ADAMTS19: variants seen among roughly 807,000 people sequenced by gnomAD.
ADAMTS19 encodes the protein ADAM metallopeptidase with thrombospondin type 1 motif 19.
In ADAMTS19, 93 loss-of-function variants were observed where a neutral mutation model predicts 153.3. That is an observed-to-expected ratio of 0.61 (90% CI 0.51 to 0.72). The LOEUF (loss-of-function observed/expected upper bound fraction) is 0.72. Among genes scored for constraint, ADAMTS19 ranks in the 30% least tolerant of loss-of-function variants. The pLI is 0.00. For synonymous variants in ADAMTS19, 600 were observed against 556.6 expected, an observed-to-expected ratio of 1.08 and a Z score of -1.10; for missense variants, 1,482 against 1,552.1, an observed-to-expected ratio of 0.95 and a Z score of 0.76.
In ADAMTS19 at chr5:129,504,735, G is replaced by A. The variant is rs542939921; in HGVS notation, c.748-4342G>A. ...AGTCTGACTTTTTTAGATTTTACAT[G>A]TGAGATTGTGCAGTATTTGTCTTTC... On this transcript the variant is annotated intron_variant, in intron 2 of 22. Transcript: ENST00000274487. Among the ~76,000 whole-genome samples the A allele has an allele frequency of 2.6e-5, 4 of 152,058 alleles. No homozygotes were observed. In the South Asian group the frequency reaches 8.3e-4, roughly 32 times the overall value.
At chr5:129,483,276 A>G (rs539069353) in intron 2 of ADAMTS19, among the ~76,000 whole-genome samples, 35 of 152,312 alleles carry the variant, frequency 2.3e-4, no homozygotes, top group African/African-American at 7.2e-4. Flanking sequence ...AAGATATTTA[A>G]TCTCTCTGAG....
intron 20 of ADAMTS19, among the ~76,000 whole-genome samples, chr5:129,702,941 A>AAAAAAATATATATATATATATATAT: frequency 3.4e-4 from 10 of 29,274 alleles, no homozygotes; most frequent in Admixed American, 1.4e-3. Flanking sequence ...AAAAAAAAAA[A>AAAAAAATATATATATATATATATAT]ATATATATAT....
intron 7 of ADAMTS19, among the ~76,000 whole-genome samples, chr5:129,594,256 A>G (rs1014167434): frequency 1.3e-5 from 2 of 152,212 alleles, no homozygotes; most frequent in South Asian, 2.1e-4. Flanking sequence ...TGGAGAAGAC[A>G]TGTAAAACTC....
intron 7 of ADAMTS19, among the ~76,000 whole-genome samples, chr5:129,575,094 T>G (rs1021708015): frequency 5.8e-4 from 88 of 152,184 alleles, no homozygotes; most frequent in Non-Finnish European, 1.1e-3. Flanking sequence ...TCTTTATATT[T>G]CTGCAGTTTA....
rs1246167128 is a variant in ADAMTS19, at chr5:129,461,033, C to G, written c.92-69C>G. On this transcript the variant is annotated intron_variant, in intron 1 of 22. Coordinates refer to ENST00000274487, the MANE Select transcript of ADAMTS19 (RefSeq NM_133638.6). The surrounding 1 kb of genome is among the most constrained non-coding windows in gnomAD (Gnocchi z 4.6). ...GCGCCCTGTATCTATGGACTGTGAG[C>G]TTGGAAATGTTTGTGCTACTGGAAC... is the stretch of plus-strand genomic sequence containing the variant. 2 of 1,282,978 alleles carry G rather than the reference C, an allele frequency of 1.6e-6. No individual in the cohort carries two copies. The highest frequency in any genetic ancestry group is 2.0e-6 in the Non-Finnish European group (2 of 1,017,384). The allele number at this position is 1,282,978 out of a possible 1,614,324, so 79.5% of individuals were successfully genotyped here. A position where few individuals can be genotyped will look rare whatever the true frequency, so the allele number is the denominator to read the frequency against.
rs549208876 is a variant in ADAMTS19, at chr5:129,460,912, C to A, written c.92-190C>A. Among the ~76,000 whole-genome samples, 10 of 148,014 alleles carry A rather than the reference C, an allele frequency of 6.8e-5. No homozygotes were observed. The East Asian group carries it at 1.9e-3, about 28-fold the overall frequency. On this transcript the variant is annotated intron_variant, in intron 1 of 22. Transcript: ENST00000274487. The stretch of plus-strand genomic sequence containing the variant: ...CGCCCCTAATATAATCGTACTTTTA[C>A]TCTGAAAATGCTGGGGTCTGTAATC...
intron 6 of ADAMTS19, among the ~76,000 whole-genome samples, chr5:129,536,063 G>T (rs1752409829): frequency 6.6e-6 from 1 of 152,086 alleles, no homozygotes; most frequent in African/African-American, 2.4e-5. Flanking sequence ...TTGACAAATG[G>T]GACCTAATTA....
At chr5:129,645,966 G>A (rs1305242552) in intron 11 of ADAMTS19, among the ~76,000 whole-genome samples, 3 of 136,954 alleles carry the variant, frequency 2.2e-5, no homozygotes, top group Admixed American at 7.9e-5. Flanking sequence ...TCGGCTCACT[G>A]CAAGCTCCGC....
At chr5:129,503,380 C>T (rs1751164766) in intron 2 of ADAMTS19, among the ~76,000 whole-genome samples, 1 of 152,076 alleles carries the variant, frequency 6.6e-6, no homozygotes, top group Non-Finnish European at 1.5e-5. Flanking sequence ...AAATCACTCC[C>T]ATTTACAGTA....
At chr5:129,494,363 T>C (rs913318522) in intron 2 of ADAMTS19, among the ~76,000 whole-genome samples, 4 of 152,176 alleles carry the variant, frequency 2.6e-5, no homozygotes, top group Admixed American at 6.6e-5. Context: ...TTGGCCATCC[T>C]GGACACCACA....
intron 8 of ADAMTS19, among the ~76,000 whole-genome samples, chr5:129,608,174 A>T (rs1751022982): frequency 7.0e-6 from 1 of 142,622 alleles, no homozygotes; most frequent in Non-Finnish European, 1.5e-5. Context: ...AAAGAGGGAA[A>T]TTCTACTATT....
chr5:129,695,666 T>A (rs985012733), intron 19 of ADAMTS19, among the ~76,000 whole-genome samples: 1 of 152,182 alleles, frequency 6.6e-6, no homozygotes, highest in Non-Finnish European at 1.5e-5. Context: ...TTAGCTTGAT[T>A]AGGACTCAGC....
At chr5:129,582,260 T>G (rs1243229716) in intron 7 of ADAMTS19, among the ~76,000 whole-genome samples, 1 of 151,144 alleles carries the variant, frequency 6.6e-6, no homozygotes, top group Non-Finnish European at 1.5e-5. Context: ...AAGAACTTGC[T>G]TTATGAATCT....
At chr5:129,552,615 A>G (rs764713552) in intron 7 of ADAMTS19, among the ~76,000 whole-genome samples, 2 of 151,788 alleles carry the variant, frequency 1.3e-5, no homozygotes, top group African/African-American at 4.8e-5. Flanking sequence ...ATTGTAATCT[A>G]ATTTTGGCAT....
chr5:129,566,342 T>C (rs1331582172), intron 7 of ADAMTS19, among the ~76,000 whole-genome samples: 1 of 152,202 alleles, frequency 6.6e-6, no homozygotes, highest in Non-Finnish European at 1.5e-5. Context: ...TTATTATTTT[T>C]ATTTTTTGCA....
At chr5:129,702,119 G>A (rs1361541336) in intron 20 of ADAMTS19, among the ~76,000 whole-genome samples, 1 of 152,134 alleles carries the variant, frequency 6.6e-6, no homozygotes, top group Non-Finnish European at 1.5e-5. Context: ...GGTAGAGCTG[G>A]GATTTGAACC....
chr5:129,689,637 G>A (rs1755243916), intron 18 of ADAMTS19, among the ~76,000 whole-genome samples: 1 of 152,048 alleles, frequency 6.6e-6, no homozygotes, highest in African/African-American at 2.4e-5. Context: ...ATGTTGGTCA[G>A]GCTGGTCTCA....
At chr5:129,477,752 G>T (rs567523049) in intron 2 of ADAMTS19, among the ~76,000 whole-genome samples, 48 of 152,240 alleles carry the variant, frequency 3.2e-4, no homozygotes, top group African/African-American at 9.6e-4. Flanking sequence ...TTGGGTCCTT[G>T]GTCACATGGT....
intron 6 of ADAMTS19, among the ~76,000 whole-genome samples, chr5:129,539,478 C>T (rs1393501570): frequency 6.6e-6 from 1 of 152,032 alleles, no homozygotes; most frequent in Non-Finnish European, 1.5e-5. Context: ...TTAAGACCTG[C>T]ACTTGACTTC....
Sources: gnomAD v4.1 joint callset for allele counts (sites outside exome capture counted in the v4.1 genomes callset) on GRCh38, gnomAD v4.1.1 for gene constraint, Gnocchi (gnomAD v3.1) non-coding constraint, MANE v1.5 for transcripts, NCBI Gene and HGNC (gene_info 2026-07-23, HGNC 2026-07-21) for gene names.